GLIS3: variants seen among roughly 807,000 people sequenced by gnomAD.
GLIS3 encodes GLIS family zinc finger 3.
GLIS3 carries 53 observed loss-of-function variants against 78.6 expected under a neutral mutation model. The observed-to-expected ratio is 0.67, with a 90% confidence interval of 0.54 to 0.85. GLIS3 has a LOEUF of 0.85. Ranked by LOEUF, GLIS3 falls within the 40% of genes least tolerant of loss-of-function variation. GLIS3 has a pLI of 0.00. For synonymous variants in GLIS3, 684 were observed against 509.9 expected (o/e 1.34, Z -4.60); for missense variants, 1,703 against 1,231.1 (o/e 1.38, Z -5.74).
Position 3,826,244 on chromosome 9 carries a change from G to A in GLIS3, c.*2028C>T, listed in dbSNP as rs1428388195. 1.3e-5 allele frequency: 2 copies of A among 152,210 alleles called. No homozygotes were observed. The highest frequency in any genetic ancestry group is 2.9e-5 in the Non-Finnish European group (2 of 68,050). 9.4% of individuals were successfully genotyped at this position (152,210 alleles called of 1,614,324 possible). ...TGTAAAGGCTTCCATATTTAAGTAT[G>A]AATAGATGGTTTCTCTGAAGATAGC... On this transcript the variant is annotated 3_prime_UTR_variant, in exon 11 of 11. Transcript: ENST00000381971.
intron 2 of GLIS3, among the ~76,000 whole-genome samples, chr9:4,211,274 C>T (rs1382387540): frequency 6.6e-6 from 1 of 152,202 alleles, no homozygotes; most frequent in African/African-American, 2.4e-5. Flanking sequence ...GTCCACTTGG[C>T]TCCACTTTAA....
intron 4 of GLIS3, among the ~76,000 whole-genome samples, chr9:4,017,668 A>T (rs1008843931): frequency 1.3e-5 from 2 of 152,226 alleles, no homozygotes; most frequent in African/African-American, 4.8e-5. Context: ...GAGAAGAGTC[A>T]CAGACAAAGA....
At chr9:4,365,986 G>A in the GLIS3 span, among the ~76,000 whole-genome samples, 19 of 152,180 alleles carry the variant, frequency 1.2e-4, no homozygotes, top group African/African-American at 3.9e-4. Context: ...ATTCTAAGGT[G>A]TCATTGAAAA....
chr9:4,255,936 C>T lies in GLIS3; in HGVS notation c.388+30102G>A, dbSNP rs535768516. ...TACTCTGTGGGGATGTTGATAATGG[C>T]GAATGCTATGTATATATGCGTGCAG... On this transcript the variant is annotated intron_variant, in intron 2 of 10. Transcript: ENST00000381971. Among the ~76,000 whole-genome samples, 13 of 152,186 alleles carry T rather than the reference C, an allele frequency of 8.5e-5. No individual in the cohort carries two copies. The South Asian group carries it at 1.7e-3, about 19-fold the overall frequency.
intron 2 of GLIS3, among the ~76,000 whole-genome samples, chr9:4,239,236 G>A (rs548761835): frequency 6.6e-6 from 1 of 150,384 alleles, no homozygotes; most frequent in Non-Finnish European, 1.5e-5. Context: ...GTTAATGGGT[G>A]CAGCACACCA....
At chr9:4,142,770 C>A (rs1488102713) in intron 2 of GLIS3, among the ~76,000 whole-genome samples, 7 of 152,170 alleles carry the variant, frequency 4.6e-5, no homozygotes, top group Non-Finnish European at 2.9e-5. Context: ...TTAATCTCAA[C>A]AAGCTCATAC....
At chr9:3,902,682 A>G (rs1823402774) in intron 6 of GLIS3, among the ~76,000 whole-genome samples, 1 of 152,178 alleles carries the variant, frequency 6.6e-6, no homozygotes, top group South Asian at 2.1e-4. Context: ...CTAAGTTCCC[A>G]GGTGATGATG....
At chr9:4,284,658 G>C (rs10739041) in intron 2 of GLIS3, among the ~76,000 whole-genome samples, 151,815 of 152,068 alleles carry the variant, frequency 1, 75,782 homozygotes, top group Middle Eastern at 1. Context: ...CGCCTGTAAC[G>C]CTAGCACTTT....
intron 2 of GLIS3, among the ~76,000 whole-genome samples, chr9:4,234,374 C>T (rs1305839303): frequency 2.6e-5 from 4 of 152,114 alleles, no homozygotes; most frequent in African/African-American, 7.2e-5. Flanking sequence ...AATTTCAATA[C>T]TGCTGTGTTT....
At chr9:4,422,102 G>A in the GLIS3 span, among the ~76,000 whole-genome samples, 48 of 152,152 alleles carry the variant, frequency 3.2e-4, no homozygotes, top group Admixed American at 2.8e-3. Flanking sequence ...GTCCATCACC[G>A]CTCAAGAATT....
At chr9:4,146,576 A>G (rs1400060159) in intron 2 of GLIS3, among the ~76,000 whole-genome samples, 1 of 152,212 alleles carries the variant, frequency 6.6e-6, no homozygotes. Flanking sequence ...ACAAATACAT[A>G]AGATTGAAAA....
intron 2 of GLIS3, among the ~76,000 whole-genome samples, chr9:4,261,914 T>C (rs1011258866): frequency 6.6e-6 from 1 of 152,206 alleles, no homozygotes; most frequent in Non-Finnish European, 1.5e-5. Context: ...TAGTGTACCC[T>C]GTAATACTGT....
At chr9:4,373,740 C>T in the GLIS3 span, among the ~76,000 whole-genome samples, 1 of 151,028 alleles carries the variant, frequency 6.6e-6, no homozygotes, top group Non-Finnish European at 1.5e-5. Flanking sequence ...ACGATCTCGG[C>T]TCATGCAACC....
intron 4 of GLIS3, among the ~76,000 whole-genome samples, chr9:4,308,053 G>C (rs1014528372): frequency 2.0e-5 from 3 of 152,140 alleles, no homozygotes; most frequent in African/African-American, 7.2e-5. Flanking sequence ...GGCTCTCACA[G>C]AACACTGTCC....
At chr9:4,466,700 T>C in the GLIS3 span, among the ~76,000 whole-genome samples, 1 of 152,194 alleles carries the variant, frequency 6.6e-6, no homozygotes, top group East Asian at 1.9e-4. Context: ...AGCTCCAGAA[T>C]ACAGCTCCCA....
At chr9:4,400,386 C>G in the GLIS3 span, among the ~76,000 whole-genome samples, 1 of 152,060 alleles carries the variant, frequency 6.6e-6, no homozygotes, top group African/African-American at 2.4e-5. Context: ...ATAAGTAATT[C>G]AAAATCAAAG....
chr9:4,188,108 A>T (rs1487345641), intron 2 of GLIS3, among the ~76,000 whole-genome samples: 10 of 151,586 alleles, frequency 6.6e-5, no homozygotes, highest in Non-Finnish European at 1.2e-4. Context: ...GGTTTTGCCC[A>T]TTCAGTATGA....
chr9:4,114,912 C>T (rs985639256), intron 4 of GLIS3, among the ~76,000 whole-genome samples: 1 of 152,216 alleles, frequency 6.6e-6, no homozygotes, highest in African/African-American at 2.4e-5. Flanking sequence ...CAGCCCTCCC[C>T]CAGTTCTGCC....
chr9:4,275,427 C>T lies in GLIS3; in HGVS notation c.388+10611G>A, dbSNP rs1165351569. ...ACTCCTATAGCAAAAGATCTAAGAC[C>T]GTGGGGTCCTATTCAGTGTAAAACC... is the stretch of plus-strand genomic sequence containing the variant. On this transcript the variant is annotated intron_variant, in intron 2 of 10. Coordinates refer to ENST00000381971, the MANE Select transcript of GLIS3 (RefSeq NM_001042413.2). 2.0e-5 allele frequency among the ~76,000 whole-genome samples: 3 copies of T among 151,982 alleles called. No individual in the cohort carries two copies. In the South Asian group the frequency reaches 6.2e-4, roughly 32 times the overall value.
Sources: gnomAD v4.1 joint callset for allele counts (sites outside exome capture counted in the v4.1 genomes callset) on GRCh38, gnomAD v4.1.1 for gene constraint, MANE v1.5 for transcripts, NCBI Gene and HGNC (gene_info 2026-07-23, HGNC 2026-07-21) for gene names.